Variants in RBM20 observed in about 807,000 individuals in gnomAD.
RBM20 encodes RNA binding motif protein 20.
Under a neutral mutation model 110.1 loss-of-function variants are expected in RBM20, and 51 were observed. The ratio of observed to expected loss-of-function variants is 0.46; its 90% CI spans 0.37 to 0.59. RBM20 has a LOEUF of 0.59. RBM20 is among the 20% of genes least tolerant of loss of function. The pLI is 0.00. For missense variants in RBM20, 1,512 were observed against 1,574.9 expected, an observed-to-expected ratio of 0.96 and a Z score of 0.68; for synonymous variants, 589 against 618.2, an observed-to-expected ratio of 0.95 and a Z score of 0.70.
At chr10:110,780,018 T>C (rs1844316609) in intron 1 of RBM20, among the ~76,000 whole-genome samples, 1 of 152,182 alleles carries the variant, frequency 6.6e-6, no homozygotes, top group African/African-American at 2.4e-5. Flanking sequence ...ACAGAGACTT[T>C]GGCAAATTCA....
At chr10:110,791,689 G>A (rs550298390) in intron 5 of RBM20, among the ~76,000 whole-genome samples, 8 of 152,308 alleles carry the variant, frequency 5.3e-5, no homozygotes, top group Middle Eastern at 3.4e-3. Flanking sequence ...TTTTAAAGGT[G>A]CAGCCCCCGC....
At chr10:110,776,660 G>A (rs1268409564) in intron 1 of RBM20, among the ~76,000 whole-genome samples, 4 of 151,976 alleles carry the variant, frequency 2.6e-5, no homozygotes, top group African/African-American at 4.8e-5. Flanking sequence ...GATTACATTG[G>A]GCATACCAAA....
chr10:110,672,418 G>A (rs1181821538), intron 1 of RBM20, among the ~76,000 whole-genome samples: 1 of 152,230 alleles, frequency 6.6e-6, no homozygotes, highest in Non-Finnish European at 1.5e-5. Flanking sequence ...TCCCCTCGCC[G>A]AGTGTCACCC....
At chr10:110,685,116 C>T (rs10885016) in intron 1 of RBM20, among the ~76,000 whole-genome samples, 99,866 of 152,184 alleles carry the variant, frequency 0.66, 35,998 homozygotes, top group Non-Finnish European at 0.8. Flanking sequence ...TGCTGTCCTT[C>T]CTGGGGTTTG....
chr10:110,787,456 A>G (rs977720227), intron 5 of RBM20, among the ~76,000 whole-genome samples: 1 of 152,068 alleles, frequency 6.6e-6, no homozygotes, highest in African/African-American at 2.4e-5. Context: ...TCGGGGGGAA[A>G]CCCATGCTGT....
At chr10:110,677,556 G>A (rs982076142) in intron 1 of RBM20, among the ~76,000 whole-genome samples, 1 of 152,164 alleles carries the variant, frequency 6.6e-6, no homozygotes, top group East Asian at 1.9e-4. Flanking sequence ...CTGACCTCGT[G>A]ATCTGCCTGC....
intron 1 of RBM20, among the ~76,000 whole-genome samples, chr10:110,717,876 G>A (rs968671295): frequency 1.1e-4 from 17 of 152,336 alleles, no homozygotes; most frequent in Admixed American, 1.3e-4. Context: ...CTCACTGTGC[G>A]AGGGAGGAGC....
intron 9 of RBM20, among the ~76,000 whole-genome samples, chr10:110,816,042 G>T (rs2135111706): frequency 6.6e-6 from 1 of 152,314 alleles, no homozygotes; most frequent in South Asian, 2.1e-4. Flanking sequence ...CCTGGAGTCA[G>T]ATAACAGGTG....
Position 110,661,499 on chromosome 10 carries a change from G to T in RBM20, c.191+16854G>T, listed in dbSNP as rs550110056. On this transcript the variant is annotated intron_variant, in intron 1 of 13. Coordinates refer to ENST00000369519, the MANE Select transcript of RBM20 (RefSeq NM_001134363.3). ...AACAACCGTGTGTCCAGCAATAGGGGATTCGTGAATAACACTTGGCTACAT... is the reference window on the plus strand; with the variant it reads ...AACAACCGTGTGTCCAGCAATAGGGTATTCGTGAATAACACTTGGCTACAT... Among the ~76,000 whole-genome samples, 8 of 152,262 alleles carry T rather than the reference G, an allele frequency of 5.3e-5. No homozygotes were observed. In the South Asian group the frequency reaches 1.7e-3, roughly 32 times the overall value.
At chr10:110,677,766 TTC>T (rs1444214733) in intron 1 of RBM20, among the ~76,000 whole-genome samples, 2 of 152,224 alleles carry the variant, frequency 1.3e-5, no homozygotes, top group African/African-American at 2.4e-5. Flanking sequence ...AGTTGGTGTG[TTC>T]GATGGGCATG....
chr10:110,818,898 A>G (rs1442664696), intron 9 of RBM20, among the ~76,000 whole-genome samples: 1 of 152,266 alleles, frequency 6.6e-6, no homozygotes, highest in Non-Finnish European at 1.5e-5. Context: ...AGGCTAGTGC[A>G]GTAGACTTCA....
At chr10:110,784,116 T>G (rs542876542) in intron 3 of RBM20, among the ~76,000 whole-genome samples, 119 of 152,266 alleles carry the variant, frequency 7.8e-4, no homozygotes, top group Non-Finnish European at 1.6e-3. Flanking sequence ...TGCATGTATA[T>G]ATCACATTCT....
chr10:110,665,719 G>T (rs906868891), intron 1 of RBM20, among the ~76,000 whole-genome samples: 3 of 152,058 alleles, frequency 2.0e-5, no homozygotes, highest in African/African-American at 4.8e-5. Context: ...TGAGGTTAAA[G>T]AATTATTTAT....
chr10:110,688,847 T>C (rs1179655376), intron 1 of RBM20, among the ~76,000 whole-genome samples: 1 of 152,138 alleles, frequency 6.6e-6, no homozygotes, highest in Admixed American at 6.5e-5. Flanking sequence ...TGTTTCATGA[T>C]CCTACCCAGG....
intron 1 of RBM20, among the ~76,000 whole-genome samples, chr10:110,745,894 A>C (rs1843774211): frequency 6.6e-6 from 1 of 152,222 alleles, no homozygotes; most frequent in Admixed American, 6.5e-5. Flanking sequence ...AGTAATAATA[A>C]ACCTTAAGCT....
chr10:110,811,924 C>A lies in RBM20; in HGVS notation c.1881-354C>A, dbSNP rs563604500. On this transcript the variant is annotated intron_variant, in intron 8 of 13. Coordinates refer to ENST00000369519, the MANE Select transcript of RBM20 (RefSeq NM_001134363.3). ...TGCCCCCCAGCGCCCACCCCGCACA[C>A]CCCCAGGAGGAGAGTCAGAGGTCCG... Among the ~76,000 whole-genome samples the A allele has an allele frequency of 8.8e-3, 1,333 of 152,268 alleles. 8 individuals are homozygous for A. The highest frequency in any genetic ancestry group is 0.024 in the Middle Eastern group (7 of 294).
intron 1 of RBM20, among the ~76,000 whole-genome samples, chr10:110,710,035 T>C (rs1231247959): frequency 6.6e-6 from 1 of 152,196 alleles, no homozygotes; most frequent in African/African-American, 2.4e-5. Context: ...ACATCAGCGT[T>C]CTGTTTTAGG....
chr10:110,726,546 C>T (rs1416835398), intron 1 of RBM20, among the ~76,000 whole-genome samples: 3 of 152,164 alleles, frequency 2.0e-5, no homozygotes, highest in Non-Finnish European at 4.4e-5. Context: ...CAAGTGATGG[C>T]CCTCTAAGCT....
rs117125308 is a variant in RBM20, at chr10:110,720,030, G to C, written c.192-60771G>C. On this transcript the variant is annotated intron_variant, in intron 1 of 13. Coordinates refer to ENST00000369519, the MANE Select transcript of RBM20 (RefSeq NM_001134363.3). Reference sequence around the variant, plus strand: ...CTTGCTGTACCCTCCTATGGCAAGAGGGGTGAAGGAGCGCCCTGGCGGTGA... The same window carrying C: ...CTTGCTGTACCCTCCTATGGCAAGACGGGTGAAGGAGCGCCCTGGCGGTGA... 3.9e-5 allele frequency among the ~76,000 whole-genome samples: 6 copies of C among 152,094 alleles called. No homozygotes were observed. The East Asian group carries it at 1.2e-3, about 29-fold the overall frequency.
Sources: gnomAD v4.1 joint callset for allele counts (sites outside exome capture counted in the v4.1 genomes callset) on GRCh38, gnomAD v4.1.1 for gene constraint, MANE v1.5 for transcripts, NCBI Gene and HGNC (gene_info 2026-07-23, HGNC 2026-07-21) for gene names.